Variants in DHTKD1 observed in about 807,000 individuals in gnomAD.
DHTKD1 encodes the protein 2-oxoadipate dehydrogenase complex component E1.
In DHTKD1, 78 loss-of-function variants were observed where a neutral mutation model predicts 101.8. That is an observed-to-expected ratio of 0.77 (90% CI 0.64 to 0.93). The LOEUF (loss-of-function observed/expected upper bound fraction) is 0.93, where lower values mean the gene tolerates loss of function less well. DHTKD1 is among the 40% of genes least tolerant of loss of function. The pLI is 0.00. For synonymous variants in DHTKD1, 462 were observed against 450.3 expected, an observed-to-expected ratio of 1.03 and a Z score of -0.33; for missense variants, 1,223 against 1,161.7, an observed-to-expected ratio of 1.05 and a Z score of -0.77.
In DHTKD1 at chr10:12,112,921, G is replaced by T; in HGVS notation, c.2176G>T (p.Gly726Trp). The change falls in exon 13 of 17, where the codon GGG (glycine) becomes TGG (tryptophan). Residue 726 changes from glycine (G) to tryptophan (W), a missense_variant. By Grantham distance (184) the Gly-to-Trp change is radical (BLOSUM62 -2). Coordinates refer to ENST00000263035, the MANE Select transcript of DHTKD1 (RefSeq NM_018706.7). The part of the protein sequence containing the change: ...FLQMCDSAEE[G>W]VDGDTVNMFV... ...CCAGATGTGTGACAGTGCGGAAGAG[G>T]GGGTGGACGGAGACACTGTGAACAT... 6.2e-7 allele frequency: 1 copy of T among 1,610,072 alleles called. No individual in the cohort carries two copies. The highest frequency in any genetic ancestry group is 8.5e-7 in the Non-Finnish European group (1 of 1,178,380).
chr10:12,074,868 A>G (rs151247082), intron 1 of DHTKD1, among the ~76,000 whole-genome samples: 72 of 152,198 alleles, frequency 4.7e-4, no homozygotes, highest in African/African-American at 1.7e-3. Flanking sequence ...CAGCGGCCAT[A>G]TTGAAAACGT....
At chr10:12,097,323 A>C (rs1262999963) in intron 7 of DHTKD1, among the ~76,000 whole-genome samples, 1 of 151,874 alleles carries the variant, frequency 6.6e-6, no homozygotes, top group Non-Finnish European at 1.5e-5. Flanking sequence ...CCTAGGCTGG[A>C]GTGCAGTGGT....
intron 13 of DHTKD1, among the ~76,000 whole-genome samples, chr10:12,114,144 T>C (rs905120795): frequency 6.6e-6 from 1 of 152,094 alleles, no homozygotes; most frequent in Non-Finnish European, 1.5e-5. Flanking sequence ...GGTTTACCTA[T>C]TTATCTGTTA....
chr10:12,069,907 T>C (rs1832629310), intron 1 of DHTKD1, among the ~76,000 whole-genome samples: 1 of 151,968 alleles, frequency 6.6e-6, no homozygotes, highest in African/African-American at 2.4e-5. Context: ...CAAGGATACA[T>C]TTCCAGGACC....
At chr10:12,095,482 G>A (rs572883199) in intron 7 of DHTKD1, among the ~76,000 whole-genome samples, 7 of 150,948 alleles carry the variant, frequency 4.6e-5, no homozygotes, top group East Asian at 2.0e-4. Context: ...GTTTGAGACC[G>A]GCCTGGCCAA....
rs1451479580 is a variant in DHTKD1 at position 12,118,441 on chromosome 10, G to A, written c.2403-308G>A. On this transcript the variant is annotated intron_variant, in intron 14 of 16. Transcript: ENST00000263035. The stretch of plus-strand genomic sequence containing the variant: ...TCTGTCGCCCAGGCTGGAGTGCAGT[G>A]GCACGATCTTGGCTCACTGCAAGCT... 6.1e-5 allele frequency among the ~76,000 whole-genome samples: 9 copies of A among 147,570 alleles called. No individual in the cohort carries two copies. The Admixed American group carries it at 6.2e-4, about 10-fold the overall frequency.
intron 1 of DHTKD1, 136 bp from the exon 2 acceptor site, chr10:12,081,336 G>T: frequency 1.7e-6 from 1 of 604,186 alleles, no homozygotes; most frequent in Non-Finnish European, 2.8e-6. Flanking sequence ...AATAGAGCAA[G>T]ACCCTGTCTC....
intron 11 of DHTKD1, among the ~76,000 whole-genome samples, chr10:12,106,763 C>T (rs138231777): frequency 4.6e-4 from 70 of 152,302 alleles, no homozygotes; most frequent in African/African-American, 1.7e-3. Flanking sequence ...GACCCTGAAT[C>T]CCATTTTCCA....
intron 7 of DHTKD1, among the ~76,000 whole-genome samples, chr10:12,094,654 G>A (rs1833042206): frequency 6.7e-6 from 1 of 149,838 alleles, no homozygotes; most frequent in Admixed American, 6.7e-5. Context: ...GAAACTTTAA[G>A]AGCTAAAGCT....
Position 12,097,958 on chromosome 10 carries a change from C to G in DHTKD1, c.1633C>G (p.Leu545Val). 2.5e-6 allele frequency: 4 copies of G among 1,613,544 alleles called. No homozygotes were observed. Among genetic ancestry groups the G allele is most frequent in the Non-Finnish European group, 3.4e-6 (4 of 1,179,568 alleles). ...GAAGTCTGTAGAGGTGCCAAGAGAG[C>G]TGCAGATGCACAGTCACCTGCTGAA... ...GMKSVEVPRE[L>V]QMHSHLLKTH... Residue 545 changes from leucine to valine, a missense_variant, in exon 8 of 17, where the codon CTG becomes GTG. Transcript: ENST00000263035.
At chr10:12,100,287 G>GTTTTTTCT in intron 9 of DHTKD1, 25 bp downstream of exon 9, 37 of 269,850 alleles carry the variant, frequency 1.4e-4, no homozygotes, top group African/African-American at 3.7e-4. Context: ...TTTTTTTTCT[G>GTTTTTTCT]TTTTTTTTTT....
At chr10:12,099,309 C>T (rs1365192704) in intron 8 of DHTKD1, among the ~76,000 whole-genome samples, 1 of 152,110 alleles carries the variant, frequency 6.6e-6, no homozygotes, top group Admixed American at 6.6e-5. Context: ...ATACAGTTCC[C>T]CACATACCCC....
intron 15 of DHTKD1, among the ~76,000 whole-genome samples, chr10:12,119,772 A>G: frequency 6.6e-6 from 1 of 152,148 alleles, no homozygotes; most frequent in Non-Finnish European, 1.5e-5. Context: ...TCCGTGGCAC[A>G]CATTTACCTG....
At position 12,118,935 on chromosome 10, in the gene DHTKD1, A is replaced by G. The variant is rs762228530; in HGVS notation, c.2572+17A>G. 1 of 1,493,426 alleles carries G rather than the reference A, an allele frequency of 6.7e-7. No homozygotes were observed. The highest frequency in any genetic ancestry group is 1.4e-5 in the African/African-American group (1 of 70,152). 92.5% of individuals were successfully genotyped at this position (1,493,426 alleles called of 1,614,324 possible). A position where few individuals can be genotyped will look rare whatever the true frequency, so the allele number is the denominator to read the frequency against. Reference sequence around the variant, plus strand: ...ATGTTAAAGGTAAGAGGTTGTTCTCATTTGGGTTTTGATGTTCAGATACCC... The same window carrying G: ...ATGTTAAAGGTAAGAGGTTGTTCTCGTTTGGGTTTTGATGTTCAGATACCC... On this transcript the variant is annotated intron_variant, in intron 15 of 16. Transcript: ENST00000263035.
intron 5 of DHTKD1, among the ~76,000 whole-genome samples, chr10:12,090,641 C>T (rs1832977645): frequency 6.6e-6 from 1 of 152,078 alleles, no homozygotes; most frequent in South Asian, 2.1e-4. Flanking sequence ...TGCCATCATA[C>T]CTGGCTGATT....
intron 1 of DHTKD1, among the ~76,000 whole-genome samples, chr10:12,072,061 C>A (rs1031636943): frequency 6.6e-6 from 1 of 152,188 alleles, no homozygotes; most frequent in Admixed American, 6.6e-5. Flanking sequence ...CTCACTTCAG[C>A]GTGCGCCGGG....
Position 12,071,669 on chromosome 10 carries a change from T to C in DHTKD1, c.154+2482T>C, listed in dbSNP as rs887029163. Among the ~76,000 whole-genome samples the C allele has an allele frequency of 1.8e-4, 27 of 152,202 alleles. No homozygotes were observed. In the East Asian group the frequency reaches 2.1e-3, roughly 12 times the overall value. The stretch of plus-strand genomic sequence containing the variant: ...GGGGCCAGGCACAGTGACTCACGCC[T>C]GTAATCCCCGCACTTTGGGAGGCCG... On this transcript the variant is annotated intron_variant, in intron 1 of 16. Transcript: ENST00000263035.
intron 12 of DHTKD1, among the ~76,000 whole-genome samples, chr10:12,109,661 A>G (rs1157598801): frequency 6.6e-6 from 1 of 151,984 alleles, no homozygotes; most frequent in Non-Finnish European, 1.5e-5. Context: ...AAGGAAACAT[A>G]TCAGGGAAGA....
intron 1 of DHTKD1, among the ~76,000 whole-genome samples, chr10:12,074,161 G>T (rs1250020398): frequency 6.7e-6 from 1 of 148,154 alleles, no homozygotes; most frequent in African/African-American, 2.4e-5. Context: ...TGCAGTAATA[G>T]AAAGTTTTGC....
Sources: gnomAD v4.1 joint callset for allele counts (sites outside exome capture counted in the v4.1 genomes callset) on GRCh38, gnomAD v4.1.1 for gene constraint, MANE v1.5 for transcripts, NCBI Gene and HGNC (gene_info 2026-07-23, HGNC 2026-07-21) for gene names.